Variants in MERTK observed in about 807,000 individuals in gnomAD.
MERTK encodes the protein tyrosine-protein kinase Mer.
Under a neutral mutation model 99.3 loss-of-function variants are expected in MERTK, and 69 were observed. That is an observed-to-expected ratio of 0.70 (90% confidence interval 0.57 to 0.85). The LOEUF (loss-of-function observed/expected upper bound fraction) is 0.85, where lower values mean the gene tolerates loss of function less well. MERTK is among the 40% of genes least tolerant of loss of function. The pLI, the probability that MERTK is intolerant of heterozygous loss-of-function variation, is 0.00. For missense variants in MERTK, 1,125 were observed against 1,249.4 expected (o/e 0.90, Z 1.50); for synonymous variants, 426 against 467.6 (o/e 0.91, Z 1.15).
chr2:111,928,828 T>C (rs1406618681), intron 1 of MERTK, among the ~76,000 whole-genome samples: 1 of 152,202 alleles, frequency 6.6e-6, no homozygotes, highest in Non-Finnish European at 1.5e-5. Flanking sequence ...CACCTTCTTC[T>C]TATACTGCTG....
At chr2:111,909,073 G>A (rs1684193173) in intron 1 of MERTK, among the ~76,000 whole-genome samples, 1 of 152,126 alleles carries the variant, frequency 6.6e-6, no homozygotes, top group Admixed American at 6.6e-5. Flanking sequence ...TTACAACCTG[G>A]TTTCATTTCA....
intron 15 of MERTK, among the ~76,000 whole-genome samples, chr2:112,017,621 C>T (rs544188315): frequency 2.3e-5 from 3 of 128,590 alleles, no homozygotes; most frequent in African/African-American, 5.5e-5. Flanking sequence ...TGACAGAGCA[C>T]GACTTCGTCT....
At position 112,010,682 on chromosome 2, in the gene MERTK, G is replaced by A. The variant is rs567090577; in HGVS notation, c.2079+616G>A. Among the ~76,000 whole-genome samples, 7 of 152,270 alleles carry A rather than the reference G, an allele frequency of 4.6e-5. No individual in the cohort carries two copies. In the South Asian group the frequency reaches 6.2e-4, roughly 14 times the overall value. ...ATTTTCAGTATTGACTTTGAGGGCT[G>A]TAGCGTTAAGGAATCATAGCCACTG... On this transcript the variant is annotated intron_variant, in intron 15 of 18. Coordinates refer to ENST00000295408, the MANE Select transcript of MERTK (RefSeq NM_006343.3).
intron 4 of MERTK, among the ~76,000 whole-genome samples, chr2:111,961,324 C>G (rs1685246931): frequency 6.6e-6 from 1 of 151,726 alleles, no homozygotes; most frequent in East Asian, 1.9e-4. Context: ...CAACGCCCGG[C>G]TAATTTTTTT....
intron 7 of MERTK, 151 bp from the exon 8 acceptor site, chr2:111,982,691 A>T: frequency 1.2e-6 from 1 of 815,362 alleles, no homozygotes; most frequent in Non-Finnish European, 2.1e-6. Flanking sequence ...TGAAAATCTT[A>T]GTTGAAAAGG....
intron 1 of MERTK, among the ~76,000 whole-genome samples, chr2:111,925,292 A>ATTTTT (rs11433691): frequency 0.011 from 271 of 24,502 alleles, 37 homozygotes; most frequent in Non-Finnish European, 0.014. Flanking sequence ...ATATATATAT[A>ATTTTT]TTTTTTTTTT....
intron 18 of MERTK, among the ~76,000 whole-genome samples, chr2:112,027,911 T>C (rs2104429272): frequency 6.6e-6 from 1 of 152,356 alleles, no homozygotes; most frequent in African/African-American, 2.4e-5. Flanking sequence ...TATTTTTGGC[T>C]TTGCAGGCCT....
intron 1 of MERTK, among the ~76,000 whole-genome samples, chr2:111,917,572 T>A (rs4271775): frequency 0.066 from 10,081 of 152,210 alleles, 401 homozygotes; most frequent in African/African-American, 0.11. Flanking sequence ...TTCAGAGTTT[T>A]GTCTTGTTTT....
At position 112,000,621 on chromosome 2, in the gene MERTK, C is replaced by T. The variant is rs113870024; in HGVS notation, c.1605-580C>T. On this transcript the variant is annotated intron_variant, in intron 10 of 18. Coordinates refer to ENST00000295408, the MANE Select transcript of MERTK (RefSeq NM_006343.3). ...TTGTCATCACTTCTTATCAAGGGTG[C>T]ATATTAACATGATGTATCACTGTTG... Among the ~76,000 whole-genome samples, 180 of 152,298 alleles carry T rather than the reference C, an allele frequency of 1.2e-3. 1 individual carries two copies. The highest frequency in any genetic ancestry group is 4.2e-3 in the African/African-American group (173 of 41,554).
intron 1 of MERTK, among the ~76,000 whole-genome samples, chr2:111,923,635 G>A (rs1249546736): frequency 6.6e-6 from 1 of 152,204 alleles, no homozygotes; most frequent in Non-Finnish European, 1.5e-5. Flanking sequence ...GGGATAAGGT[G>A]GAGATTTCTT....
At chr2:111,956,851 T>A (rs920036833) in intron 4 of MERTK, among the ~76,000 whole-genome samples, 1 of 152,152 alleles carries the variant, frequency 6.6e-6, no homozygotes, top group African/African-American at 2.4e-5. Flanking sequence ...GATCTCACTA[T>A]GTTGTCCAGG....
At chr2:112,004,066 A>G (rs763948288) in intron 13 of MERTK, 82 bp downstream of exon 13, 232 of 1,260,354 alleles carry the variant, frequency 1.8e-4, no homozygotes, top group Non-Finnish European at 2.5e-4. Flanking sequence ...CATATGTCAC[A>G]ATCTCAGTTC....
intron 1 of MERTK, among the ~76,000 whole-genome samples, chr2:111,900,471 C>T (rs968630376): frequency 2.0e-5 from 3 of 151,970 alleles, no homozygotes; most frequent in East Asian, 3.8e-4. Context: ...GAGGACTGGC[C>T]GTGAATAGTC....
At chr2:111,901,037 C>G (rs955531446) in intron 1 of MERTK, among the ~76,000 whole-genome samples, 3 of 152,112 alleles carry the variant, frequency 2.0e-5, no homozygotes, top group Non-Finnish European at 2.9e-5. Context: ...CTCTGCCCCC[C>G]AACACACATA....
chr2:112,020,551 C>G (rs1164839208), intron 16 of MERTK: 3 of 470,472 alleles, frequency 6.4e-6, no homozygotes, highest in African/African-American at 2.0e-5. Flanking sequence ...GTTTTAGTAG[C>G]TTGGGCTACA....
At chr2:111,986,090 A>G (rs948641297) in intron 8 of MERTK, among the ~76,000 whole-genome samples, 5 of 152,246 alleles carry the variant, frequency 3.3e-5, no homozygotes, top group African/African-American at 1.2e-4. Flanking sequence ...ATCAGGAAGC[A>G]GACTGTTGGA....
chr2:111,912,982 G>C (rs1684281125), intron 1 of MERTK: 1 of 957,946 alleles, frequency 1.0e-6, no homozygotes, highest in Non-Finnish European at 1.2e-6. Flanking sequence ...CTATGAACTG[G>C]GGACAATTCC....
chr2:111,994,287 C>T lies in MERTK; in HGVS notation c.1333C>T (p.Arg445Ter). Residue 445 changes from arginine to a stop codon, truncating the protein, a stop_gained, in exon 9 of 19, where the codon CGA (arginine) becomes TGA (stop). Transcript: ENST00000295408. LOFTEE classifies it high-confidence loss of function. ...GGAGGAAGTTGGCCAGAATGGCAGC[C>T]GAGCTCGGATCTCTGTTCAAGTCCA... ...LLEEVGQNGS[R>*]ARISVQVHNA... is the part of the protein sequence containing the mutation. 2.5e-6 allele frequency: 4 copies of T among 1,614,112 alleles called. No individual in the cohort carries two copies. The highest frequency in any genetic ancestry group is 3.4e-6 in the Non-Finnish European group (4 of 1,180,036).
chr2:111,972,069 T>C (rs1424710936), intron 6 of MERTK, among the ~76,000 whole-genome samples: 2 of 152,178 alleles, frequency 1.3e-5, no homozygotes, highest in Non-Finnish European at 2.9e-5. Flanking sequence ...TCGCGCTTAT[T>C]GCCCAGGCTG....
Sources: gnomAD v4.1 joint callset for allele counts (sites outside exome capture counted in the v4.1 genomes callset) on GRCh38, gnomAD v4.1.1 for gene constraint, MANE v1.5 for transcripts, NCBI Gene and HGNC (gene_info 2026-07-23, HGNC 2026-07-21) for gene names.